The following KCTD16 variants were observed in gnomAD, a reference collection of about 807,000 sequenced individuals.
The protein encoded by KCTD16 is BTB/POZ domain-containing protein KCTD16.
Under a neutral mutation model 33.2 loss-of-function variants are expected in KCTD16, and 13 were observed. The observed-to-expected ratio is 0.39, with a 90% CI of 0.25 to 0.62. The LOEUF is 0.62. Among genes scored for constraint, KCTD16 ranks in the 20% least tolerant of loss-of-function variants. The probability of loss-of-function intolerance (pLI) is 0.50; values close to 1 mark genes in which losing one functional copy is unlikely to be tolerated. For missense variants in KCTD16, 441 were observed against 525.1 expected (o/e 0.84, Z 1.57); for synonymous variants, 197 against 195.3 (o/e 1.01, Z -0.07).
intron 3 of KCTD16, among the ~76,000 whole-genome samples, chr5:144,240,331 C>T (rs1328701006): frequency 6.6e-6 from 1 of 152,024 alleles, no homozygotes; most frequent in Non-Finnish European, 1.5e-5. Context: ...TTCTTTCATT[C>T]CTTCTTCTTT....
chr5:144,319,719 G>A (rs1752023666), intron 3 of KCTD16, among the ~76,000 whole-genome samples: 1 of 152,104 alleles, frequency 6.6e-6, no homozygotes. Context: ...CCAAACCATA[G>A]TCTTTCTAGA....
chr5:144,317,715 C>T (rs1369064425), intron 3 of KCTD16, among the ~76,000 whole-genome samples: 1 of 152,204 alleles, frequency 6.6e-6, no homozygotes, highest in African/African-American at 2.4e-5. Context: ...TCTCCTTCTT[C>T]TGATTCCCTC....
At chr5:144,247,157 T>C (rs1160401109) in intron 3 of KCTD16, among the ~76,000 whole-genome samples, 6 of 152,208 alleles carry the variant, frequency 3.9e-5, no homozygotes, top group African/African-American at 1.4e-4. Context: ...GCTACCCTAA[T>C]ATTCAAAGAT....
chr5:144,355,454 G>A (rs1751549639), intron 3 of KCTD16, among the ~76,000 whole-genome samples: 2 of 152,066 alleles, frequency 1.3e-5, no homozygotes, highest in African/African-American at 4.8e-5. Context: ...GAAACTTCTG[G>A]AGGAGTACCA....
chr5:144,398,850 T>C (rs1752638757), intron 3 of KCTD16, among the ~76,000 whole-genome samples: 1 of 152,172 alleles, frequency 6.6e-6, no homozygotes, highest in Non-Finnish European at 1.5e-5. Context: ...TTTTGCAATG[T>C]AAACACCACT....
chr5:144,425,136 A>G (rs1753295700), intron 3 of KCTD16, among the ~76,000 whole-genome samples: 1 of 152,130 alleles, frequency 6.6e-6, no homozygotes, highest in Non-Finnish European at 1.5e-5. Flanking sequence ...CCAGAAATAC[A>G]ATAGTAGATC....
chr5:144,287,246 G>A (rs1179265170), intron 3 of KCTD16, among the ~76,000 whole-genome samples: 1 of 145,910 alleles, frequency 6.9e-6, no homozygotes, highest in Non-Finnish European at 1.5e-5. Flanking sequence ...GAAGGCTCGT[G>A]TCTTCCACAA....
Position 144,474,002 on chromosome 5 carries a change from A to T in KCTD16, c.1175A>T (p.Glu392Val), listed in dbSNP as rs371767006. 3 of 1,614,116 alleles carry T rather than the reference A, an allele frequency of 1.9e-6. No homozygotes were observed. Among genetic ancestry groups the T allele is most frequent in the Non-Finnish European group, 2.5e-6 (3 of 1,179,990 alleles). The change falls in exon 4 of 4, where the codon GAG (glutamate) becomes GTG (valine). Residue 392 changes from glutamate (E) to valine (V), a missense_variant. Physicochemically the swap from Glu to Val is moderately radical, Grantham distance 121 (BLOSUM62 -2). Coordinates refer to ENST00000512467, the MANE Select transcript of KCTD16 (RefSeq NM_020768.4). ...KKAVKEKLSIEEELEKCIQDF... is the reference protein window; with the variant it reads ...KKAVKEKLSIVEELEKCIQDF... ...GCTGTTAAAGAAAAGCTCTCAATTG[A>T]GGAGGAGCTGGAGAAATGTATCCAG...
At chr5:144,365,704 A>G (rs1015007820) in intron 3 of KCTD16, among the ~76,000 whole-genome samples, 1 of 152,230 alleles carries the variant, frequency 6.6e-6, no homozygotes, top group East Asian at 1.9e-4. Context: ...CATGATTCAA[A>G]TGAACGTGCC....
chr5:144,336,607 T>C (rs1400115600), intron 3 of KCTD16, among the ~76,000 whole-genome samples: 1 of 152,186 alleles, frequency 6.6e-6, no homozygotes, highest in Non-Finnish European at 1.5e-5. Flanking sequence ...ATCCTCTGTG[T>C]TTCCCACGTT....
intron 3 of KCTD16, among the ~76,000 whole-genome samples, chr5:144,379,019 G>C (rs1752154235): frequency 6.6e-6 from 1 of 152,166 alleles, no homozygotes; most frequent in African/African-American, 2.4e-5. Context: ...ACAACTCATG[G>C]AGAAAGGGAT....
At chr5:144,376,136 C>A (rs959689834) in intron 3 of KCTD16, among the ~76,000 whole-genome samples, 2 of 152,030 alleles carry the variant, frequency 1.3e-5, no homozygotes, top group Non-Finnish European at 2.9e-5. Flanking sequence ...AGAGTCATGT[C>A]TACCTTTTTT....
chr5:144,415,819 A>G (rs150679089), intron 3 of KCTD16, among the ~76,000 whole-genome samples: 25 of 152,300 alleles, frequency 1.6e-4, no homozygotes, highest in African/African-American at 6.0e-4. Flanking sequence ...AAACAATACC[A>G]AGGAATAGGA....
chr5:144,190,794 T>C (rs1348987192), intron 2 of KCTD16, among the ~76,000 whole-genome samples: 1 of 152,234 alleles, frequency 6.6e-6, no homozygotes. Flanking sequence ...GTCTAGAATG[T>C]GAGCTCTATG....
intron 3 of KCTD16, among the ~76,000 whole-genome samples, chr5:144,351,839 A>G (rs1751442803): frequency 6.6e-6 from 1 of 152,166 alleles, no homozygotes; most frequent in African/African-American, 2.4e-5. Context: ...GGAGTGTGAA[A>G]AAGTCAAACA....
intron 3 of KCTD16, among the ~76,000 whole-genome samples, chr5:144,360,693 G>C (rs6874078): frequency 0.019 from 2,845 of 152,236 alleles, 81 homozygotes; most frequent in African/African-American, 0.065. Context: ...GCCTCCCAAA[G>C]TGCTGGGATT....
At chr5:144,452,724 A>G (rs1383856616) in intron 3 of KCTD16, among the ~76,000 whole-genome samples, 3 of 152,002 alleles carry the variant, frequency 2.0e-5, no homozygotes, top group Non-Finnish European at 4.4e-5. Flanking sequence ...CCAAAATAAA[A>G]TAGAGTCTGT....
intron 3 of KCTD16, among the ~76,000 whole-genome samples, chr5:144,316,826 C>CTTTTTTTTTTTT (rs34796022): frequency 5.4e-5 from 6 of 111,170 alleles, no homozygotes; most frequent in African/African-American, 2.0e-4. Flanking sequence ...GCCAGCATCC[C>CTTTTTTTTTTTT]TTTTTTTTTT....
intron 3 of KCTD16, among the ~76,000 whole-genome samples, chr5:144,338,446 A>T (rs1248879375): frequency 6.6e-6 from 1 of 152,164 alleles, no homozygotes; most frequent in Non-Finnish European, 1.5e-5. Flanking sequence ...TAGGAGAGTT[A>T]AATAAGTTGA....
Sources: gnomAD v4.1 joint callset for allele counts (sites outside exome capture counted in the v4.1 genomes callset) on GRCh38, gnomAD v4.1.1 for gene constraint, MANE v1.5 for transcripts, NCBI Gene and HGNC (gene_info 2026-07-23, HGNC 2026-07-21) for gene names.